Variants in AKAIN1 observed in about 807,000 individuals in gnomAD.
AKAIN1 encodes the protein A-kinase anchor inhibitor 1, also known as A-kinase anchor protein inhibitor 1.
A neutral mutation model predicts 3.7 loss-of-function variants in AKAIN1; 3 were observed. That is an observed-to-expected ratio of 0.82 (90% CI 0.37 to 2.12). The LOEUF is 2.12. Ranked by LOEUF, AKAIN1 falls within the 30% of genes most tolerant of loss-of-function variation. The pLI, the probability that AKAIN1 is intolerant of heterozygous loss-of-function variation, is 0.06. For missense variants in AKAIN1, 82 were observed against 82.7 expected (o/e 0.99, Z 0.03); for synonymous variants, 31 against 30.8 (o/e 1.01, Z -0.02).
At chr18:5,193,819 T>A (rs1006195056) in intron 1 of AKAIN1, among the ~76,000 whole-genome samples, 7 of 152,210 alleles carry the variant, frequency 4.6e-5, no homozygotes, top group Non-Finnish European at 1.0e-4. Flanking sequence ...CTCCTGAATG[T>A]AAGATATTGC....
intron 1 of AKAIN1, among the ~76,000 whole-genome samples, chr18:5,150,654 G>T (rs779716044): frequency 1.3e-5 from 2 of 152,074 alleles, no homozygotes; most frequent in Non-Finnish European, 2.9e-5. Flanking sequence ...CTCCCCCATG[G>T]GGATCCGGCC....
At chr18:5,191,227 A>C (rs748896261) in intron 1 of AKAIN1, among the ~76,000 whole-genome samples, 1 of 152,168 alleles carries the variant, frequency 6.6e-6, no homozygotes. Flanking sequence ...ACTTTTTTCA[A>C]AGTACCTGCC....
At chr18:5,171,409 A>G (rs1210863398) in intron 1 of AKAIN1, among the ~76,000 whole-genome samples, 2 of 152,168 alleles carry the variant, frequency 1.3e-5, no homozygotes, top group Non-Finnish European at 2.9e-5. Flanking sequence ...GACAACCCAC[A>G]GAATGGAAGA....
chr18:5,151,326 C>A (rs761246405), intron 1 of AKAIN1, among the ~76,000 whole-genome samples: 1 of 152,142 alleles, frequency 6.6e-6, no homozygotes, highest in Non-Finnish European at 1.5e-5. Context: ...AGCTCTGGAA[C>A]TACAGGAATT....
intron 1 of AKAIN1, among the ~76,000 whole-genome samples, chr18:5,149,198 T>C (rs2071066218): frequency 6.6e-6 from 1 of 152,142 alleles, no homozygotes. Flanking sequence ...GGGGAGGTTG[T>C]GGGACAAAGA....
In AKAIN1 at chr18:5,143,407, GC is replaced by G. The variant is rs1230904788; in HGVS notation, c.*2154del. On this transcript the variant is annotated 3_prime_UTR_variant, in exon 2 of 2. Coordinates refer to ENST00000434239, the MANE Select transcript of AKAIN1 (RefSeq NM_001145194.2). ...TCGATTTTCCATCTCAAAAATTATG[GC>G]AGACACTCTACCTTCCAGACCCACT... is the stretch of plus-strand genomic sequence containing the variant. Among the ~76,000 whole-genome samples the G allele has an allele frequency of 1.3e-5, 2 of 152,052 alleles. No homozygotes were observed. The highest frequency in any genetic ancestry group is 2.9e-5 in the Non-Finnish European group (2 of 68,020).
At chr18:5,196,750 G>A (rs2143050191) in intron 1 of AKAIN1, among the ~76,000 whole-genome samples, 1 of 152,194 alleles carries the variant, frequency 6.6e-6, no homozygotes, top group Admixed American at 6.5e-5. Flanking sequence ...GAAAGTCCCA[G>A]TTCTTAAGGC....
intron 1 of AKAIN1, among the ~76,000 whole-genome samples, chr18:5,156,792 T>A (rs2071111064): frequency 1.3e-5 from 2 of 152,190 alleles, no homozygotes; most frequent in Admixed American, 6.5e-5. Context: ...TCTTTCTTGC[T>A]CTCACACCAG....
At chr18:5,150,392 G>C (rs1467196440) in intron 1 of AKAIN1, among the ~76,000 whole-genome samples, 1 of 152,194 alleles carries the variant, frequency 6.6e-6, no homozygotes, top group Non-Finnish European at 1.5e-5. Flanking sequence ...TAGGCAGACT[G>C]TTGCCTAGCT....
At chr18:5,171,607 A>G (rs1312863966) in intron 1 of AKAIN1, among the ~76,000 whole-genome samples, 1 of 152,220 alleles carries the variant, frequency 6.6e-6, no homozygotes, top group East Asian at 1.9e-4. Context: ...ATCATTGATC[A>G]TCAGAGAAAT....
intron 1 of AKAIN1, among the ~76,000 whole-genome samples, chr18:5,169,078 A>C (rs1469963821): frequency 6.6e-6 from 1 of 151,990 alleles, no homozygotes; most frequent in African/African-American, 2.4e-5. Context: ...ATAACCAGGG[A>C]AGAGTTAACG....
At chr18:5,173,917 G>C (rs547347507) in intron 1 of AKAIN1, among the ~76,000 whole-genome samples, 1 of 151,930 alleles carries the variant, frequency 6.6e-6, no homozygotes, top group Non-Finnish European at 1.5e-5. Flanking sequence ...ATTAACTCTG[G>C]GCAGGCTGGG....
rs745687305 is a variant in AKAIN1 at position 5,197,014 on chromosome 18, G to C, written c.16+24C>G. ...ACCCTGCTCCCCTCCTAGACACTTG[G>C]TGAAAAAGCAAGGTGCGGTGTACCT... On this transcript the variant is annotated intron_variant, in intron 1 of 1. Transcript: ENST00000434239. This position sits in a 1 kb window ranked among gnomAD's most constrained non-coding sequence, Gnocchi z 6.9. The C allele has an allele frequency of 6.5e-7, 1 of 1,543,964 alleles. No homozygotes were observed. Among genetic ancestry groups the C allele is most frequent in the South Asian group, 1.2e-5 (1 of 83,908 alleles).
intron 1 of AKAIN1, among the ~76,000 whole-genome samples, chr18:5,187,091 T>A (rs976110694): frequency 9.2e-5 from 14 of 151,892 alleles, no homozygotes; most frequent in African/African-American, 2.7e-4. Context: ...GAAAACAGAA[T>A]GATCTAATAT....
intron 1 of AKAIN1, chr18:5,163,572 T>G (rs2071151367): frequency 6.6e-6 from 1 of 152,026 alleles, no homozygotes. Context: ...AGCCAAAAAA[T>G]TACTGGTCAG....
chr18:5,197,501 TG>T, upstream of AKAIN1: 1 of 321,736 alleles, frequency 3.1e-6, no homozygotes, highest in Non-Finnish European at 3.7e-6. The surrounding 1 kb of genome is among the most constrained non-coding windows in gnomAD (Gnocchi z 6.9). Flanking sequence ...AAGATAGATT[TG>T]TCAAAAAAAA....
At chr18:5,189,968 A>C (rs147897843) in intron 1 of AKAIN1, among the ~76,000 whole-genome samples, 1 of 152,188 alleles carries the variant, frequency 6.6e-6, no homozygotes, top group Non-Finnish European at 1.5e-5. Context: ...CCATACCAAA[A>C]TACAACAGAC....
chr18:5,169,616 T>A (rs2071186172), intron 1 of AKAIN1, among the ~76,000 whole-genome samples: 1 of 152,124 alleles, frequency 6.6e-6, no homozygotes, highest in South Asian at 2.1e-4. Context: ...CCGCGGATAA[T>A]GTTTGACGAG....
chr18:5,161,399 A>C (rs924354373), intron 1 of AKAIN1, among the ~76,000 whole-genome samples: 3 of 152,150 alleles, frequency 2.0e-5, no homozygotes, highest in Admixed American at 2.0e-4. Flanking sequence ...AAATTCAGAA[A>C]ACTCACCAAC....
Sources: allele counts gnomAD v4.1 joint callset (sites outside exome capture counted in the v4.1 genomes callset), GRCh38; gene constraint gnomAD v4.1.1; non-coding constraint Gnocchi (gnomAD v3.1); transcripts MANE v1.5; gene names NCBI Gene and HGNC (gene_info 2026-07-23, HGNC 2026-07-21).